The following P2RY8 variants were observed in gnomAD, a reference collection of about 807,000 sequenced individuals.
P2RY8 encodes the protein S-geranylgeranyl-glutathione receptor P2RY8.
In P2RY8, 6 loss-of-function variants were observed where a neutral mutation model predicts 10.0. The ratio of observed to expected loss-of-function variants is 0.60; its 90% confidence interval spans 0.33 to 1.19. P2RY8 has a LOEUF of 1.19. Among genes scored for constraint, P2RY8 ranks in the 50% most tolerant of loss-of-function variants. The pLI is 0.04. For synonymous variants in P2RY8, 276 were observed against 252.5 expected (o/e 1.09, Z -0.88); for missense variants, 456 against 542.0 (o/e 0.84, Z 1.58).
chrX:1,500,036 T>G (rs2092161125), intron 1 of P2RY8, among the ~76,000 whole-genome samples: 1 of 123,442 alleles, frequency 8.1e-6, no homozygotes, highest in Non-Finnish European at 1.9e-5. Context: ...TTTTTTGTAT[T>G]TTTAGTAGAG....
intron 1 of P2RY8, among the ~76,000 whole-genome samples, chrX:1,472,802 G>T (rs1186599572): frequency 1.0e-4 from 15 of 149,678 alleles, no homozygotes; most frequent in Non-Finnish European, 1.8e-4. Flanking sequence ...TGGGTTGATG[G>T]GTAGATGGAT....
intron 1 of P2RY8, among the ~76,000 whole-genome samples, chrX:1,507,725 C>T (rs1399637810): frequency 6.6e-6 from 1 of 152,180 alleles, no homozygotes; most frequent in Non-Finnish European, 1.5e-5. Flanking sequence ...TCATGAGTAG[C>T]TTCATGTTGA....
intron 1 of P2RY8, among the ~76,000 whole-genome samples, chrX:1,529,929 A>G (rs1192276829): frequency 2.0e-5 from 3 of 151,784 alleles, no homozygotes; most frequent in Non-Finnish European, 4.4e-5. Context: ...TGCTCCTGGC[A>G]TCTGGTGGGT....
Position 1,464,550 on chromosome X carries a change from C to G in P2RY8, c.*929G>C, listed in dbSNP as rs4933152. The stretch of plus-strand genomic sequence containing the variant: ...GAATGGGCAGGAGGTGGGGAACTCC[C>G]GAATCAAGCTGCACCCTTGTGTTGG... On this transcript the variant is annotated 3_prime_UTR_variant, in exon 2 of 2. Coordinates refer to ENST00000381297, the MANE Select transcript of P2RY8 (RefSeq NM_178129.5). 17,947 of 233,318 alleles carry G rather than the reference C, an allele frequency of 0.077. 857 individuals are homozygous for G. The highest frequency in any genetic ancestry group is 0.1 in the Non-Finnish European group (12,317 of 118,146). 14.5% of individuals were successfully genotyped at this position (233,318 alleles called of 1,614,324 possible).
chrX:1,500,046 G>A (rs2092161297), intron 1 of P2RY8, among the ~76,000 whole-genome samples: 1 of 130,638 alleles, frequency 7.7e-6, no homozygotes. Context: ...TTTTAGTAGA[G>A]ACGGGGTTTC....
chrX:1,508,087 A>G (rs1201814805), intron 1 of P2RY8, among the ~76,000 whole-genome samples: 1 of 152,178 alleles, frequency 6.6e-6, no homozygotes, highest in South Asian at 2.1e-4. Flanking sequence ...GTTTGGGGGA[A>G]AAATCCAGCA....
At chrX:1,536,517 C>T (rs1190069309) in intron 1 of P2RY8, among the ~76,000 whole-genome samples, 1 of 151,956 alleles carries the variant, frequency 6.6e-6, no homozygotes, top group Non-Finnish European at 1.5e-5. Context: ...CCACCTCGGT[C>T]CCCCAAAGTG....
chrX:1,478,565 G>A (rs113357744), intron 1 of P2RY8, among the ~76,000 whole-genome samples: 20,425 of 151,634 alleles, frequency 0.13, 3,079 homozygotes, highest in African/African-American at 0.38. Context: ...TGCAACCTCC[G>A]CCTCCCGGGT....
chrX:1,487,928 G>A (rs2092001356), intron 1 of P2RY8, among the ~76,000 whole-genome samples: 1 of 152,136 alleles, frequency 6.6e-6, no homozygotes, highest in Admixed American at 6.6e-5. Context: ...GGCTAACACG[G>A]TGAAACCCCG....
chrX:1,518,106 T>A (rs1352025649), intron 1 of P2RY8, among the ~76,000 whole-genome samples: 1 of 76,218 alleles, frequency 1.3e-5, no homozygotes, highest in Non-Finnish European at 2.6e-5. Flanking sequence ...CGAAACTCCA[T>A]CTCAAAAAAA....
intron 1 of P2RY8, among the ~76,000 whole-genome samples, chrX:1,493,399 AG>A (rs2092078287): frequency 7.4e-5 from 1 of 13,502 alleles, no homozygotes; most frequent in Non-Finnish European, 2.0e-4. Flanking sequence ...GAGGGAGGGA[AG>A]GAGGAAGGAG....
At position 1,464,364 on chromosome X, in the gene P2RY8, A is replaced by AG. The variant is rs2091631690; in HGVS notation, c.*1114dup. The AG allele has an allele frequency of 4.3e-6, 1 of 233,512 alleles. No homozygotes were observed. Among genetic ancestry groups the AG allele is most frequent in the Non-Finnish European group, 8.4e-6 (1 of 118,366 alleles). 14.5% of individuals were successfully genotyped at this position (233,512 alleles called of 1,614,324 possible). On this transcript the variant is annotated 3_prime_UTR_variant, in exon 2 of 2. Coordinates refer to ENST00000381297, the MANE Select transcript of P2RY8 (RefSeq NM_178129.5). Reference sequence around the variant, plus strand: ...CCTGCTCACCACCCACACAGCAGGGAGGGGGCTCAGCGGCTGACACCCCTG... The same window carrying AG: ...CCTGCTCACCACCCACACAGCAGGGAGGGGGGCTCAGCGGCTGACACCCCTG...
intron 1 of P2RY8, among the ~76,000 whole-genome samples, chrX:1,471,308 C>CTTTTTTTT (rs1569536548): frequency 8.4e-5 from 6 of 71,120 alleles, no homozygotes; most frequent in African/African-American, 2.1e-4. Context: ...GCGCCCAGCC[C>CTTTTTTTT]ATTTTTTTTT....
At chrX:1,477,325 C>T (rs1319714101) in intron 1 of P2RY8, among the ~76,000 whole-genome samples, 4 of 152,216 alleles carry the variant, frequency 2.6e-5, no homozygotes, top group Non-Finnish European at 5.9e-5. Context: ...CTTGATCTAT[C>T]ATCTATCTAT....
rs770478745 is a variant in P2RY8, at chrX:1,481,952, C to T, written c.-24-15370G>A. On this transcript the variant is annotated intron_variant, in intron 1 of 1. Coordinates refer to ENST00000381297, the MANE Select transcript of P2RY8 (RefSeq NM_178129.5). ...TATTGCATCACCCAACGAAGCAGAC[C>T]GTTTGCCCAGCGAGATTTGCATGCT... Among the ~76,000 whole-genome samples the T allele has an allele frequency of 3.9e-5, 6 of 152,258 alleles. No individual in the cohort carries two copies. The South Asian group carries it at 1.0e-3, about 26-fold the overall frequency.
intron 1 of P2RY8, among the ~76,000 whole-genome samples, chrX:1,510,709 C>A (rs1434517564): frequency 2.0e-5 from 3 of 152,086 alleles, no homozygotes; most frequent in South Asian, 2.1e-4. Flanking sequence ...GAAACCCTAT[C>A]TCTACTAAAA....
intron 1 of P2RY8, among the ~76,000 whole-genome samples, chrX:1,502,373 C>G (rs1457990205): frequency 2.0e-5 from 3 of 152,144 alleles, no homozygotes; most frequent in African/African-American, 7.2e-5. Context: ...CTCCCTCCCC[C>G]ACTTCGAACA....
intron 1 of P2RY8, among the ~76,000 whole-genome samples, chrX:1,512,051 G>A (rs1246781319): frequency 1.3e-5 from 2 of 151,974 alleles, no homozygotes; most frequent in Non-Finnish European, 2.9e-5. Flanking sequence ...TGTAAGCAAA[G>A]AGAAGAGGCT....
At chrX:1,530,269 T>TTATCTACCTATCTATC (rs1556687144) in intron 1 of P2RY8, among the ~76,000 whole-genome samples, 60 of 148,402 alleles carry the variant, frequency 4.0e-4, no homozygotes, top group South Asian at 1.3e-3. Flanking sequence ...ATCATCACCA[T>TTATCTACCTATCTATC]TATCTATCTA....
Sources: allele counts gnomAD v4.1 joint callset (sites outside exome capture counted in the v4.1 genomes callset), GRCh38; gene constraint gnomAD v4.1.1; transcripts MANE v1.5; gene names NCBI Gene and HGNC (gene_info 2026-07-23, HGNC 2026-07-21).